Variants in LTBP1 observed in about 807,000 individuals in gnomAD.
The protein encoded by LTBP1 is latent transforming growth factor beta binding protein 1, also known as latent-transforming growth factor beta-binding protein 1.
LTBP1 carries 129 observed loss-of-function variants against 207.6 expected under a neutral mutation model. The ratio of observed to expected loss-of-function variants is 0.62; its 90% CI spans 0.54 to 0.72. LTBP1 has a LOEUF of 0.72. LTBP1 is among the 30% of genes least tolerant of loss of function. The pLI, the probability that LTBP1 is intolerant of heterozygous loss-of-function variation, is 0.00. For missense variants in LTBP1, 2,281 were observed against 2,217.2 expected (o/e 1.03, Z -0.58); for synonymous variants, 963 against 833.7 (o/e 1.16, Z -2.67).
intron 2 of LTBP1, among the ~76,000 whole-genome samples, chr2:32,991,921 G>T (rs775862310): frequency 6.6e-6 from 1 of 152,150 alleles, no homozygotes; most frequent in African/African-American, 2.4e-5. Flanking sequence ...GAGCTTAAAT[G>T]TGATTCCTTA....
intron 9 of LTBP1, among the ~76,000 whole-genome samples, chr2:33,240,642 A>ATTTTT (rs1558869453): frequency 7.4e-6 from 1 of 134,978 alleles, no homozygotes; most frequent in Admixed American, 7.4e-5. Context: ...TGATGGAAAC[A>ATTTTT]TTCTTTTTTT....
chr2:33,231,739 A>G (rs897410218), intron 9 of LTBP1, among the ~76,000 whole-genome samples: 13 of 152,164 alleles, frequency 8.5e-5, no homozygotes, highest in African/African-American at 2.4e-4. Flanking sequence ...TAAAACAGAC[A>G]TGTAGAATGA....
At chr2:33,208,291 C>T (rs1211829766) in intron 7 of LTBP1, among the ~76,000 whole-genome samples, 1 of 152,192 alleles carries the variant, frequency 6.6e-6, no homozygotes, top group Admixed American at 6.5e-5. Flanking sequence ...GGTCACAGCC[C>T]AGTACACCCA....
chr2:33,107,140 T>C (rs1395234201), intron 3 of LTBP1, among the ~76,000 whole-genome samples: 1 of 152,194 alleles, frequency 6.6e-6, no homozygotes, highest in Non-Finnish European at 1.5e-5. Flanking sequence ...ATGAAAAGAA[T>C]AGCTTAGAAG....
intron 20 of LTBP1, among the ~76,000 whole-genome samples, chr2:33,294,889 A>G (rs541553302): frequency 1.2e-4 from 18 of 151,440 alleles, no homozygotes; most frequent in African/African-American, 4.4e-4. Flanking sequence ...AATGTTCTGA[A>G]TTTTTTTACT....
At chr2:33,011,225 TG>T (rs985023724) in intron 2 of LTBP1, among the ~76,000 whole-genome samples, 12 of 152,130 alleles carry the variant, frequency 7.9e-5, no homozygotes, top group African/African-American at 2.7e-4. Context: ...CCTCTTGGCA[TG>T]TAGGAGTGGG....
intron 12 of LTBP1, among the ~76,000 whole-genome samples, chr2:33,258,919 G>A (rs1024879760): frequency 1.3e-5 from 2 of 152,190 alleles, no homozygotes; most frequent in African/African-American, 2.4e-5. Context: ...TGAAAAGCAA[G>A]TCTTTAAAAA....
At chr2:33,016,713 A>T (rs748222478) in intron 2 of LTBP1, among the ~76,000 whole-genome samples, 3 of 151,038 alleles carry the variant, frequency 2.0e-5, no homozygotes, top group Admixed American at 6.5e-5. Flanking sequence ...GAAAAAAAAT[A>T]AAATTAAATT....
chr2:32,981,670 C>T (rs1400927684), intron 2 of LTBP1, among the ~76,000 whole-genome samples: 2 of 152,156 alleles, frequency 1.3e-5, no homozygotes, highest in Non-Finnish European at 2.9e-5. Flanking sequence ...AATTGTAGCT[C>T]TCATAATTCC....
chr2:33,200,567 C>G (rs1194963324), intron 7 of LTBP1, among the ~76,000 whole-genome samples: 1 of 152,050 alleles, frequency 6.6e-6, no homozygotes, highest in Non-Finnish European at 1.5e-5. Flanking sequence ...TAGGCTTGGG[C>G]AAGGACTTCC....
At chr2:33,074,675 C>T (rs1269864236) in intron 3 of LTBP1, among the ~76,000 whole-genome samples, 1 of 152,026 alleles carries the variant, frequency 6.6e-6, no homozygotes, top group Non-Finnish European at 1.5e-5. Context: ...TCGAGACCAT[C>T]CTGGCTAACA....
At chr2:33,023,400 C>T (rs904433002) in intron 3 of LTBP1, among the ~76,000 whole-genome samples, 12 of 152,012 alleles carry the variant, frequency 7.9e-5, no homozygotes, top group South Asian at 6.2e-4. Context: ...TTTTGGTAGC[C>T]GCGGTGTACT....
At chr2:33,108,524 G>C (rs959362617) in intron 3 of LTBP1, among the ~76,000 whole-genome samples, 1 of 151,956 alleles carries the variant, frequency 6.6e-6, no homozygotes, top group Admixed American at 6.6e-5. Flanking sequence ...CTTTCAGCTC[G>C]TTTCTTGTCC....
At chr2:33,062,645 CTGTTGATCTGT>C (rs1362463907) in intron 3 of LTBP1, among the ~76,000 whole-genome samples, 1 of 152,118 alleles carries the variant, frequency 6.6e-6, no homozygotes, top group African/African-American at 2.4e-5. Context: ...TCCAGCTATT[CTGTTGATCTGT>C]TGTTGATCCT....
intron 5 of LTBP1, among the ~76,000 whole-genome samples, chr2:33,181,197 T>C (rs371694948): frequency 6.6e-6 from 1 of 152,178 alleles, no homozygotes; most frequent in East Asian, 1.9e-4. Context: ...GCCGAAGTAT[T>C]TTTATAGTCA....
chr2:33,347,066 C>T (rs1024112478), intron 25 of LTBP1, among the ~76,000 whole-genome samples: 1 of 137,478 alleles, frequency 7.3e-6, no homozygotes, highest in Non-Finnish European at 1.5e-5. Flanking sequence ...TGCAGTGAGC[C>T]GAGATCGCGC....
chr2:32,973,624 ATGTACAATCAGGT>A (rs1193356951), intron 2 of LTBP1, among the ~76,000 whole-genome samples: 1 of 152,220 alleles, frequency 6.6e-6, no homozygotes, highest in Non-Finnish European at 1.5e-5. Context: ...CCATTTAAAA[ATGTACAATCAGGT>A]TATCATAGAC....
chr2:33,073,025 G>C (rs780495821), intron 3 of LTBP1, among the ~76,000 whole-genome samples: 3 of 152,166 alleles, frequency 2.0e-5, no homozygotes, highest in African/African-American at 7.2e-5. Context: ...CCACAGAGCC[G>C]GGCAACGTGA....
At position 33,056,285 on chromosome 2, in the gene LTBP1, C is replaced by G. The variant is rs1438103167; in HGVS notation, c.863+35079C>G. On this transcript the variant is annotated intron_variant, in intron 3 of 33. Coordinates refer to ENST00000404816, the MANE Select transcript of LTBP1 (RefSeq NM_206943.4). ...GAGCCTGTGATGCCTGAGTGTTTCC[C>G]ATCTGAAAGACAAAACCGCCTGCAG... 4.6e-6 allele frequency: 3 copies of G among 650,338 alleles called. No homozygotes were observed. In the East Asian group the frequency reaches 9.8e-5, roughly 21 times the overall value. The allele number at this position is 650,338 out of a possible 1,614,324, so 40.3% of individuals were successfully genotyped here. A position where few individuals can be genotyped will look rare whatever the true frequency, so the allele number is the denominator to read the frequency against.
Sources: gnomAD v4.1 joint callset for allele counts (sites outside exome capture counted in the v4.1 genomes callset) on GRCh38, gnomAD v4.1.1 for gene constraint, MANE v1.5 for transcripts, NCBI Gene and HGNC (gene_info 2026-07-23, HGNC 2026-07-21) for gene names.